The following EYA3 variants were observed in gnomAD, a reference collection of about 807,000 sequenced individuals.
The protein encoded by EYA3 is protein phosphatase EYA3.
Under a neutral mutation model 80.0 loss-of-function variants are expected in EYA3, and 39 were observed. That is an observed-to-expected ratio of 0.49 (90% CI 0.38 to 0.64). The LOEUF (loss-of-function observed/expected upper bound fraction) is 0.64, where lower values mean the gene tolerates loss of function less well. EYA3 is among the 30% of genes least tolerant of loss of function. The pLI is 0.00. For missense variants in EYA3, 523 were observed against 676.1 expected (o/e 0.77, Z 2.51); for synonymous variants, 206 against 232.8 (o/e 0.88, Z 1.05).
Position 27,993,570 on chromosome 1 carries a change from G to A in EYA3, c.1143-10C>T, listed in dbSNP as rs756891721. The A allele has an allele frequency of 1.3e-6, 2 of 1,565,050 alleles. No individual in the cohort carries two copies. Among genetic ancestry groups the A allele is most frequent in the East Asian group, 4.6e-5 (2 of 43,742 alleles). ...TGAGAAACTGTAGTTGCTGCAAGGA[G>A]AGAAGATAATAAAAATTAAAATTTA... On this transcript the variant is annotated splice_polypyrimidine_tract_variant and intron_variant, in intron 13 of 17. Coordinates refer to ENST00000373871, the MANE Select transcript of EYA3 (RefSeq NM_001990.4).
intron 1 of EYA3, among the ~76,000 whole-genome samples, chr1:28,064,378 C>CT (rs1374429013): frequency 7.3e-6 from 1 of 136,340 alleles, no homozygotes; most frequent in Non-Finnish European, 1.5e-5. Flanking sequence ...CTCTCTCTCT[C>CT]TATATATATA....
At chr1:28,071,172 C>T (rs1364755407) in intron 1 of EYA3, among the ~76,000 whole-genome samples, 1 of 152,146 alleles carries the variant, frequency 6.6e-6, no homozygotes, top group Non-Finnish European at 1.5e-5. Flanking sequence ...GATCTGCTTG[C>T]CTCAGCCTCC....
At chr1:28,081,663 TG>T (rs1645433893) in intron 1 of EYA3, among the ~76,000 whole-genome samples, 1 of 152,198 alleles carries the variant, frequency 6.6e-6, no homozygotes, top group Non-Finnish European at 1.5e-5. Context: ...CTAAATTAAA[TG>T]TTCCTCTTAT....
At chr1:28,004,254 G>C (rs147178837) in intron 11 of EYA3, 82 bp downstream of exon 11, 7 of 976,584 alleles carry the variant, frequency 7.2e-6, no homozygotes, top group Non-Finnish European at 1.1e-5. Context: ...GGGTAGCAGA[G>C]AAATAATTTG....
chr1:28,002,317 G>A (rs1241879506), intron 11 of EYA3, among the ~76,000 whole-genome samples: 2 of 152,060 alleles, frequency 1.3e-5, no homozygotes, highest in South Asian at 2.1e-4. Flanking sequence ...CCAAAGTGCT[G>A]GGATTACAGG....
intron 1 of EYA3, among the ~76,000 whole-genome samples, chr1:28,080,421 C>T (rs751737013): frequency 5.9e-5 from 9 of 152,132 alleles, no homozygotes; most frequent in African/African-American, 1.4e-4. Flanking sequence ...AGCGTCACTA[C>T]GCTTCAGCCC....
At chr1:28,004,966 A>T (rs1214018386) in intron 10 of EYA3, among the ~76,000 whole-genome samples, 1 of 152,190 alleles carries the variant, frequency 6.6e-6, no homozygotes, top group Admixed American at 6.5e-5. Flanking sequence ...AAAAAAAAGA[A>T]GATTCAAATG....
chr1:28,043,998 G>A (rs528988022), intron 3 of EYA3, among the ~76,000 whole-genome samples: 1 of 152,242 alleles, frequency 6.6e-6, no homozygotes, highest in African/African-American at 2.4e-5. Context: ...CCAGGACTAA[G>A]CAACATCATT....
intron 6 of EYA3, among the ~76,000 whole-genome samples, chr1:28,029,654 AC>A (rs1643005724): frequency 6.7e-6 from 1 of 148,854 alleles, no homozygotes; most frequent in African/African-American, 2.5e-5. Context: ...GTGCAGTGGC[AC>A]GATGATCTCA....
intron 10 of EYA3, among the ~76,000 whole-genome samples, chr1:28,008,824 A>C (rs1641481925): frequency 6.6e-6 from 1 of 152,154 alleles, no homozygotes; most frequent in Non-Finnish European, 1.5e-5. Context: ...TGTGCCTGTA[A>C]TCCCAGCTAC....
At chr1:28,065,027 T>C (rs941465960) in intron 1 of EYA3, among the ~76,000 whole-genome samples, 1 of 152,246 alleles carries the variant, frequency 6.6e-6, no homozygotes. Flanking sequence ...CTGAATTGTA[T>C]ACAGTAGTCT....
intron 1 of EYA3, among the ~76,000 whole-genome samples, chr1:28,079,929 C>A (rs1021892683): frequency 1.3e-5 from 2 of 151,762 alleles, no homozygotes; most frequent in Non-Finnish European, 2.9e-5. Flanking sequence ...CACACCTGGC[C>A]CCAAACCTAA....
chr1:28,058,413 A>T (rs1192890652), intron 1 of EYA3, among the ~76,000 whole-genome samples: 1 of 152,202 alleles, frequency 6.6e-6, no homozygotes, highest in Non-Finnish European at 1.5e-5. Context: ...TAAGGATTAG[A>T]GTTACACTAA....
intron 1 of EYA3, among the ~76,000 whole-genome samples, chr1:28,086,698 G>C (rs575953864): frequency 2.6e-5 from 4 of 152,190 alleles, no homozygotes; most frequent in Non-Finnish European, 5.9e-5. Flanking sequence ...CTGAAGGTAA[G>C]GAAGCAGCTG....
intron 1 of EYA3, 109 bp from the exon 2 acceptor site, chr1:28,058,203 A>T (rs1435015903): frequency 2.3e-6 from 1 of 437,910 alleles, no homozygotes; most frequent in Non-Finnish European, 4.0e-6. Context: ...TTTCTACGTG[A>T]GTTCCAATCA....
chr1:28,070,983 C>T (rs1309773259), intron 1 of EYA3, among the ~76,000 whole-genome samples: 3 of 152,154 alleles, frequency 2.0e-5, no homozygotes, highest in East Asian at 1.9e-4. Context: ...AGTGCAATGG[C>T]GCACTCTTAG....
chr1:28,065,676 C>T (rs529523416), intron 1 of EYA3, among the ~76,000 whole-genome samples: 9 of 151,840 alleles, frequency 5.9e-5, no homozygotes, highest in Non-Finnish European at 1.2e-4. Flanking sequence ...TTGCCAGCAA[C>T]ACTACTCTTG....
At chr1:27,977,837 G>C (rs1177109830) in intron 17 of EYA3, among the ~76,000 whole-genome samples, 1 of 143,588 alleles carries the variant, frequency 7.0e-6, no homozygotes, top group Admixed American at 7.2e-5. Flanking sequence ...GATAGAGTGA[G>C]ACTCTATCTC....
At chr1:28,052,400 G>T (rs769716320) in intron 2 of EYA3, among the ~76,000 whole-genome samples, 22 of 152,174 alleles carry the variant, frequency 1.4e-4, no homozygotes, top group Non-Finnish European at 2.8e-4. Context: ...GAACAGAATT[G>T]AGAGTCCTGA....
Sources: allele counts gnomAD v4.1 joint callset (sites outside exome capture counted in the v4.1 genomes callset), GRCh38; gene constraint gnomAD v4.1.1; transcripts MANE v1.5; gene names NCBI Gene and HGNC (gene_info 2026-07-23, HGNC 2026-07-21).